SERPINA12: variants seen among roughly 807,000 people sequenced by gnomAD.
SERPINA12 encodes serpin A12.
Under a neutral mutation model 25.9 loss-of-function variants are expected in SERPINA12, and 21 were observed. The observed-to-expected ratio is 0.81, with a 90% confidence interval of 0.58 to 1.17. SERPINA12 has a LOEUF of 1.17. Ranked by LOEUF, SERPINA12 falls within the 50% of genes most tolerant of loss-of-function variation. SERPINA12 has a pLI of 0.00. For synonymous variants in SERPINA12, 220 were observed against 196.0 expected (o/e 1.12, Z -1.02); for missense variants, 562 against 508.3 (o/e 1.11, Z -1.02).
rs200235508 is a variant in SERPINA12, at chr14:94,497,989, T to G, written c.409A>C (p.Thr137Pro). 2 of 1,614,204 alleles carry G rather than the reference T, an allele frequency of 1.2e-6. No individual in the cohort carries two copies. Among genetic ancestry groups the G allele is most frequent in the East Asian group, 4.5e-5 (2 of 44,886 alleles). Residue 137 changes from threonine (T) to proline (P), a missense_variant, in exon 2 of 5, where the codon ACG (threonine) becomes CCG (proline). By Grantham distance (38) the Thr-to-Pro change is conservative. Transcript: ENST00000677451. ...TQDLKLSIGNTLFIDQRLQPQ... is the reference protein window; with the variant it reads ...TQDLKLSIGNPLFIDQRLQPQ... ...TGCAGCCTCTGGTCAATGAACAGCG[T>G]GTTCCCAATGCTCAGTTTGAGGTCC...
At chr14:94,489,874 C>T in intron 3 of SERPINA12, 107 bp from the exon 4 acceptor site, 2 of 1,099,966 alleles carry the variant, frequency 1.8e-6, no homozygotes, top group Non-Finnish European at 2.7e-6. Context: ...CCCCAAAGGT[C>T]TCCAATCTCT....
chr14:94,511,316 T>A (rs1214663927), upstream of SERPINA12: 1 of 700,672 alleles, frequency 1.4e-6, no homozygotes, highest in East Asian at 1.3e-4. Flanking sequence ...TGTCACACTA[T>A]ACAGATGAGA....
Position 94,492,447 on chromosome 14 carries a change from A to G in SERPINA12, c.906-2680T>C, listed in dbSNP as rs531583552. The stretch of plus-strand genomic sequence containing the variant: ...ACAGGCCTGCCTGCACAGAAGGCAG[A>G]CACCTGCTTTGTCTTCTTGCATAGA... On this transcript the variant is annotated intron_variant, in intron 3 of 4. Transcript: ENST00000677451. Among the ~76,000 whole-genome samples the G allele has an allele frequency of 9.8e-5, 15 of 152,316 alleles. No homozygotes were observed. In the South Asian group the frequency reaches 2.7e-3, roughly 27 times the overall value.
intron 1 of SERPINA12, chr14:94,516,270 C>G (rs1595703638): frequency 6.6e-6 from 1 of 152,604 alleles, no homozygotes; most frequent in South Asian, 2.1e-4. Flanking sequence ...AGCCCAGAAC[C>G]TCTGCAGGTC....
intron 1 of SERPINA12, among the ~76,000 whole-genome samples, chr14:94,504,521 GC>G (rs1444379506): frequency 1.3e-5 from 2 of 152,216 alleles, no homozygotes; most frequent in African/African-American, 4.8e-5. Context: ...TGATAACTGG[GC>G]TTCTTGGGGT....
intron 1 of SERPINA12, among the ~76,000 whole-genome samples, chr14:94,502,157 C>T (rs1900758395): frequency 6.6e-6 from 1 of 151,922 alleles, no homozygotes; most frequent in African/African-American, 2.4e-5. Context: ...CCATGGGGTA[C>T]ACATGGGACA....
rs115006397 is a variant in SERPINA12 at position 94,496,254 on chromosome 14, A to G, written c.905+119T>C. ...GTTCCCCAGTCTAATTCTCACCATGATATAAGTTTATTATAGAGCCCAGAA... is the reference window on the plus strand; with the variant it reads ...GTTCCCCAGTCTAATTCTCACCATGGTATAAGTTTATTATAGAGCCCAGAA... On this transcript the variant is annotated intron_variant, in intron 3 of 4. Coordinates refer to ENST00000677451, the MANE Select transcript of SERPINA12 (RefSeq NM_001382267.1). 5.2e-3 allele frequency: 4,882 copies of G among 944,128 alleles called. 165 individuals carry two copies. The African/African-American group carries it at 0.072, about 14-fold the overall frequency. The allele number at this position is 944,128 out of a possible 1,614,324, so 58.5% of individuals were successfully genotyped here.
At chr14:94,488,227 T>C (rs1566803293) in intron 4 of SERPINA12, among the ~76,000 whole-genome samples, 1 of 152,166 alleles carries the variant, frequency 6.6e-6, no homozygotes, top group Non-Finnish European at 1.5e-5. Flanking sequence ...AAAATTCTAG[T>C]AACTATGTTT....
chr14:94,516,612 C>A (rs59648558), intron 1 of SERPINA12, among the ~76,000 whole-genome samples: 1 of 152,196 alleles, frequency 6.6e-6, no homozygotes, highest in Admixed American at 6.5e-5. Context: ...ACCTTTCTCT[C>A]GTAGCCAACT....
At chr14:94,498,564 A>G in intron 1 of SERPINA12, 134 bp from the exon 2 acceptor site, 1 of 687,336 alleles carries the variant, frequency 1.5e-6, no homozygotes, top group Non-Finnish European at 2.4e-6. Flanking sequence ...TGACCCCTTT[A>G]TAGCATTTAA....
At chr14:94,504,315 G>A (rs1489380702) in intron 1 of SERPINA12, 4 of 152,194 alleles carry the variant, frequency 2.6e-5, no homozygotes, top group Non-Finnish European at 5.9e-5. Flanking sequence ...TGGAGGCAGC[G>A]GCATGATATC....
chr14:94,490,908 C>T (rs575653596), intron 3 of SERPINA12, among the ~76,000 whole-genome samples: 1 of 152,146 alleles, frequency 6.6e-6, no homozygotes, highest in South Asian at 2.1e-4. Flanking sequence ...CCCTGTCGGG[C>T]TCCACCCCTC....
Position 94,498,353 on chromosome 14 carries a change from G to T in SERPINA12, c.45C>A (p.Leu15=). Residue 15 remains leucine, a synonymous_variant, in exon 2 of 5, where the codon CTC becomes CTA. Transcript: ENST00000677451. ...LGLAIFLAVL[L]TVKGLLKPSF... The stretch of plus-strand genomic sequence containing the variant: ...TCGGCTTTAGAAGACCTTTCACCGT[G>T]AGGAGAACAGCCAGAAAAATGGCCA... 1.2e-6 allele frequency: 2 copies of T among 1,614,102 alleles called. No individual in the cohort carries two copies. The highest frequency in any genetic ancestry group is 2.2e-5 in the South Asian group (2 of 91,072).
chr14:94,499,558 T>C (rs901355790), intron 1 of SERPINA12, among the ~76,000 whole-genome samples: 1 of 152,230 alleles, frequency 6.6e-6, no homozygotes, highest in Admixed American at 6.5e-5. Flanking sequence ...ATCTGTTATA[T>C]CATTTAGTCT....
rs1359706831 is a variant in SERPINA12, at chr14:94,489,179, G to A, written c.1053+441C>T. On this transcript the variant is annotated intron_variant, in intron 4 of 4. Coordinates refer to ENST00000677451, the MANE Select transcript of SERPINA12 (RefSeq NM_001382267.1). ...AGAAAGAAAGAAAGAAAAAAAGAGA[G>A]AGAGAGACAGAGAAAGAAAAAGAAA... Among the ~76,000 whole-genome samples, 3 of 147,968 alleles carry A rather than the reference G, an allele frequency of 2.0e-5. No homozygotes were observed. In the East Asian group the frequency reaches 5.9e-4, roughly 29 times the overall value.
At chr14:94,511,996 G>A (rs1901124650), upstream of SERPINA12, among the ~76,000 whole-genome samples, 1 of 152,164 alleles carries the variant, frequency 6.6e-6, no homozygotes, top group African/African-American at 2.4e-5. Flanking sequence ...TACTCGGGAG[G>A]CTGAGGCATG....
At chr14:94,492,765 G>A (rs146851451) in intron 3 of SERPINA12, among the ~76,000 whole-genome samples, 1 of 152,192 alleles carries the variant, frequency 6.6e-6, no homozygotes, top group Non-Finnish European at 1.5e-5. Context: ...TGTGTGGGGG[G>A]CACCCAGGCT....
intron 3 of SERPINA12, 48 bp from the exon 4 acceptor site, chr14:94,489,815 G>T: frequency 1.3e-6 from 2 of 1,589,566 alleles, no homozygotes; most frequent in East Asian, 4.5e-5. Flanking sequence ...CTGTTGTGTT[G>T]CAGGGCAAGC....
chr14:94,495,826 A>G (rs1320656922), intron 3 of SERPINA12, among the ~76,000 whole-genome samples: 1 of 152,244 alleles, frequency 6.6e-6, no homozygotes. Context: ...AAAATCTATC[A>G]GTAAGCAAGT....
Sources: gnomAD v4.1 joint callset for allele counts (sites outside exome capture counted in the v4.1 genomes callset) on GRCh38, gnomAD v4.1.1 for gene constraint, MANE v1.5 for transcripts, NCBI Gene and HGNC (gene_info 2026-07-23, HGNC 2026-07-21) for gene names.